The following ANO6 variants were observed in gnomAD, a reference collection of about 807,000 sequenced individuals.
The protein encoded by ANO6 is anoctamin-6.
Under a neutral mutation model 117.5 loss-of-function variants are expected in ANO6, and 106 were observed. That is an observed-to-expected ratio of 0.90 (90% confidence interval 0.77 to 1.06). The LOEUF (loss-of-function observed/expected upper bound fraction) is 1.06. ANO6 is among the 50% of genes least tolerant of loss of function. The probability of loss-of-function intolerance (pLI) is 0.00; values close to 1 mark genes in which losing one functional copy is unlikely to be tolerated. For synonymous variants in ANO6, 367 were observed against 385.1 expected (o/e 0.95, Z 0.55); for missense variants, 955 against 1,121.1 (o/e 0.85, Z 2.12).
chr12:45,406,014 G>A (rs994632433), intron 15 of ANO6, among the ~76,000 whole-genome samples: 7 of 152,164 alleles, frequency 4.6e-5, no homozygotes, highest in East Asian at 3.8e-4. Flanking sequence ...TTTTCACATC[G>A]TGTAAGTGTG....
Position 45,395,007 on chromosome 12 carries a change from G to C in ANO6, c.1386+4509G>C, listed in dbSNP as rs78064920. 6.9e-3 allele frequency among the ~76,000 whole-genome samples: 1,046 copies of C among 152,188 alleles called. 15 individuals are homozygous for C. The highest frequency in any genetic ancestry group is 0.024 in the African/African-American group (1,008 of 41,542). On this transcript the variant is annotated intron_variant, in intron 12 of 19. Coordinates refer to ENST00000320560, the MANE Select transcript of ANO6 (RefSeq NM_001025356.3). ...AATAACTAAGAGCAGAACTGAAAAAGATAAGAGACACAAAAAACCCTTCAA... is the reference window on the plus strand; with the variant it reads ...AATAACTAAGAGCAGAACTGAAAAACATAAGAGACACAAAAAACCCTTCAA...
At chr12:45,328,365 C>CT (rs1940544267) in intron 2 of ANO6, among the ~76,000 whole-genome samples, 1 of 151,996 alleles carries the variant, frequency 6.6e-6, no homozygotes, top group South Asian at 2.1e-4. Flanking sequence ...GTTCTTGGCA[C>CT]TTTTTTGGCT....
At chr12:45,288,861 C>T (rs1038737553) in intron 1 of ANO6, among the ~76,000 whole-genome samples, 18 of 152,130 alleles carry the variant, frequency 1.2e-4, no homozygotes, top group African/African-American at 4.3e-4. Flanking sequence ...CATCCTCCTG[C>T]CTCAGCCTCC....
chr12:45,272,058 A>C (rs914391205), intron 1 of ANO6, among the ~76,000 whole-genome samples: 2 of 152,236 alleles, frequency 1.3e-5, no homozygotes, highest in Admixed American at 6.5e-5. Flanking sequence ...TGAAACTTTC[A>C]AGATAAAGCA....
intron 1 of ANO6, among the ~76,000 whole-genome samples, chr12:45,228,651 T>C (rs934073385): frequency 1.3e-5 from 2 of 152,096 alleles, no homozygotes; most frequent in African/African-American, 4.8e-5. Context: ...GACATGGAAA[T>C]ACGGAGGAAT....
intron 10 of ANO6, among the ~76,000 whole-genome samples, chr12:45,380,736 G>GGCTGAGGCAGGTGGATC (rs1184321752): frequency 6.6e-6 from 1 of 152,204 alleles, no homozygotes; most frequent in African/African-American, 2.4e-5. Flanking sequence ...CACTGTGGGA[G>GGCTGAGGCAGGTGGATC]GCTGAGGCAG....
At chr12:45,332,900 G>A (rs1940714925) in intron 3 of ANO6, among the ~76,000 whole-genome samples, 1 of 152,040 alleles carries the variant, frequency 6.6e-6, no homozygotes. Context: ...GAACTCAGAA[G>A]AGTGGAAAGT....
chr12:45,270,493 G>A (rs1328961418), intron 1 of ANO6: 10 of 1,428,212 alleles, frequency 7.0e-6, no homozygotes, highest in Non-Finnish European at 8.5e-6. Context: ...GGCCTTTTCT[G>A]ACTCCTCATA....
rs1353519177 is a variant in ANO6 at position 45,229,063 on chromosome 12, C to G, written c.70+12672C>G. On this transcript the variant is annotated intron_variant, in intron 1 of 19. Coordinates refer to ENST00000320560, the MANE Select transcript of ANO6 (RefSeq NM_001025356.3). ...AGCCCCCAGCTAAGTGTGGGTATTA[C>G]AGATGAGGTGAAGGTGATCTTTTCT... Among the ~76,000 whole-genome samples, 3 of 152,294 alleles carry G rather than the reference C, an allele frequency of 2.0e-5. No homozygotes were observed. In the East Asian group the frequency reaches 5.8e-4, roughly 29 times the overall value.
intron 1 of ANO6, chr12:45,228,354 GT>G: frequency 4.1e-6 from 1 of 242,432 alleles, no homozygotes. Context: ...TGCCCAGCTG[GT>G]CCCAAACTCT....
At chr12:45,378,709 A>G (rs746960697) in intron 10 of ANO6, among the ~76,000 whole-genome samples, 1 of 152,166 alleles carries the variant, frequency 6.6e-6, no homozygotes, top group Non-Finnish European at 1.5e-5. Flanking sequence ...AGGAGGCATG[A>G]TTTGTTGGAA....
intron 2 of ANO6, among the ~76,000 whole-genome samples, chr12:45,321,972 G>A (rs936235486): frequency 3.3e-5 from 5 of 152,124 alleles, no homozygotes; most frequent in Non-Finnish European, 7.4e-5. Context: ...TTCACTGTGA[G>A]CATGTGGTGG....
intron 2 of ANO6, among the ~76,000 whole-genome samples, chr12:45,318,042 G>T (rs572680235): frequency 2.2e-4 from 33 of 152,284 alleles, no homozygotes; most frequent in African/African-American, 7.7e-4. Context: ...CAGATGAGTA[G>T]ATTGCAAAAA....
Position 45,429,098 on chromosome 12 carries a change from T to C in ANO6, c.2527-7T>C. ...GTGAGTGACATTTTTCTTCTTCTCT[T>C]CCCCAGCACGTCATCTACTCTGTGA... On this transcript the variant is annotated splice_polypyrimidine_tract_variant and splice_region_variant and intron_variant, in intron 19 of 19. Transcript: ENST00000320560. The C allele has an allele frequency of 6.2e-7, 1 of 1,612,914 alleles. No homozygotes were observed. Among genetic ancestry groups the C allele is most frequent in the Non-Finnish European group, 8.5e-7 (1 of 1,179,744 alleles).
chr12:45,399,186 T>G (rs937507417), intron 12 of ANO6, among the ~76,000 whole-genome samples: 2 of 151,592 alleles, frequency 1.3e-5, no homozygotes, highest in Non-Finnish European at 3.0e-5. Flanking sequence ...GGAGGTTTTT[T>G]GTTTTTTTGT....
chr12:45,393,727 T>C (rs1942524151), intron 12 of ANO6, among the ~76,000 whole-genome samples: 1 of 152,164 alleles, frequency 6.6e-6, no homozygotes, highest in African/African-American at 2.4e-5. Context: ...AACCCAGAAT[T>C]TCATATCCAG....
At chr12:45,356,789 T>A (rs1473384184) in intron 7 of ANO6, among the ~76,000 whole-genome samples, 1 of 152,104 alleles carries the variant, frequency 6.6e-6, no homozygotes, top group East Asian at 1.9e-4. Context: ...TGAAAAAAAA[T>A]CCACATTTAA....
chr12:45,421,511 C>T (rs1434339964), intron 18 of ANO6, among the ~76,000 whole-genome samples: 2 of 152,094 alleles, frequency 1.3e-5, no homozygotes, highest in African/African-American at 4.8e-5. Flanking sequence ...TTAATGAAGA[C>T]TAGGGGTAAA....
At chr12:45,435,299 T>G (rs1004619565), downstream of ANO6, among the ~76,000 whole-genome samples, 4 of 152,220 alleles carry the variant, frequency 2.6e-5, no homozygotes, top group Non-Finnish European at 5.9e-5. Flanking sequence ...TACTATAAAT[T>G]CCACCACTTT....
Sources: gnomAD v4.1 joint callset for allele counts (sites outside exome capture counted in the v4.1 genomes callset) on GRCh38, gnomAD v4.1.1 for gene constraint, MANE v1.5 for transcripts, NCBI Gene and HGNC (gene_info 2026-07-23, HGNC 2026-07-21) for gene names.